Variants in JAM2 observed in about 807,000 individuals in gnomAD.
The protein encoded by JAM2 is junctional adhesion molecule 2, also known as junctional adhesion molecule B.
Under a neutral mutation model 42.0 loss-of-function variants are expected in JAM2, and 17 were observed. The observed-to-expected ratio is 0.40, with a 90% CI of 0.28 to 0.61. The LOEUF is 0.61. Ranked by LOEUF, JAM2 falls within the 20% of genes least tolerant of loss-of-function variation. The pLI, the probability that JAM2 is intolerant of heterozygous loss-of-function variation, is 0.37. For synonymous variants in JAM2, 118 were observed against 128.6 expected (o/e 0.92, Z 0.56); for missense variants, 319 against 358.3 (o/e 0.89, Z 0.89).
chr21:25,706,084 C>A lies in JAM2; in HGVS notation c.803C>A (p.Ser268Ter), dbSNP rs1300809120. ...VCYAQRKGYF[S>*]KETSFQKSNS... Reference sequence around the variant, plus strand: ...TATGCTCAGAGGAAAGGCTACTTTTCAAGTAAGTGAATTTCACCCTTCTTT... The same window carrying A: ...TATGCTCAGAGGAAAGGCTACTTTTAAAGTAAGTGAATTTCACCCTTCTTT... Residue 268 changes from serine (S) to a stop codon, truncating the protein, a stop_gained and splice_region_variant, in exon 7 of 10, where the codon TCA becomes TAA. Coordinates refer to ENST00000480456, the MANE Select transcript of JAM2 (RefSeq NM_021219.4). LOFTEE classifies it high-confidence loss of function. 2 of 1,590,322 alleles carry A rather than the reference C, an allele frequency of 1.3e-6. No homozygotes were observed. The highest frequency in any genetic ancestry group is 2.7e-5 in the African/African-American group (2 of 74,464).
chr21:25,667,002 T>C (rs1424452647), intron 1 of JAM2, among the ~76,000 whole-genome samples: 1 of 152,242 alleles, frequency 6.6e-6, no homozygotes, highest in Non-Finnish European at 1.5e-5. Context: ...TTCAAAATCT[T>C]TTGTTCTTTA....
intron 1 of JAM2, among the ~76,000 whole-genome samples, chr21:25,670,077 A>G (rs2033321268): frequency 6.6e-6 from 1 of 152,208 alleles, no homozygotes; most frequent in South Asian, 2.1e-4. Context: ...TATGACAAAC[A>G]TCAAACAGCC....
intron 1 of JAM2, among the ~76,000 whole-genome samples, chr21:25,672,699 A>G (rs2123350242): frequency 6.6e-6 from 1 of 152,320 alleles, no homozygotes; most frequent in South Asian, 2.1e-4. Flanking sequence ...GCGCCTATAC[A>G]CAACGCAGAC....
intron 2 of JAM2, among the ~76,000 whole-genome samples, 187 bp from the exon 3 acceptor site, chr21:25,689,679 C>T (rs2033833406): frequency 6.6e-6 from 1 of 152,160 alleles, no homozygotes; most frequent in Admixed American, 6.5e-5. Context: ...CAGTGTCATA[C>T]AGTTACTATG....
chr21:25,717,457 T>C lies in JAM2; in HGVS notation c.*2785T>C. ...ATTTAATTTATTTTTAGTTGGAGGT[T>C]TGACCTAAGTCTGGACCAATTGATT... On this transcript the variant is annotated 3_prime_UTR_variant, in exon 10 of 10. Transcript: ENST00000480456. 2.1e-6 allele frequency: 1 copy of C among 475,632 alleles called. No homozygotes were observed. Among genetic ancestry groups the C allele is most frequent in the Non-Finnish European group, 3.5e-6 (1 of 287,782 alleles). The allele number at this position is 475,632 out of a possible 1,614,324, so 29.5% of individuals were successfully genotyped here.
intron 5 of JAM2, 75 bp downstream of exon 5, chr21:25,698,954 G>A (rs1305427014): frequency 1.5e-5 from 19 of 1,290,194 alleles, no homozygotes; most frequent in East Asian, 2.4e-5. Context: ...TTAAGATGAC[G>A]TTTAATAGAG....
At chr21:25,702,385 G>A (rs991048359) in intron 6 of JAM2, 116 bp downstream of exon 6, 16 of 525,608 alleles carry the variant, frequency 3.0e-5, no homozygotes, top group Non-Finnish European at 5.4e-5. Flanking sequence ...AGAATAAACA[G>A]GAGAGAATGA....
At chr21:25,688,386 T>C (rs1270529475) in intron 2 of JAM2, among the ~76,000 whole-genome samples, 1 of 152,174 alleles carries the variant, frequency 6.6e-6, no homozygotes, top group South Asian at 2.1e-4. Context: ...ACATGAGGAA[T>C]AGGCTAAAAA....
intron 6 of JAM2, 80 bp downstream of exon 6, chr21:25,702,349 G>A (rs978571405): frequency 1.3e-5 from 10 of 773,742 alleles, no homozygotes; most frequent in Non-Finnish European, 1.9e-5. Flanking sequence ...AAGGAGCAAG[G>A]AGCAGGAAAT....
intron 2 of JAM2, among the ~76,000 whole-genome samples, chr21:25,687,019 A>C (rs1469249220): frequency 2.6e-5 from 4 of 152,344 alleles, no homozygotes; most frequent in African/African-American, 9.6e-5. Context: ...AATATGCCTT[A>C]GGTTGAGAAA....
intron 1 of JAM2, among the ~76,000 whole-genome samples, chr21:25,657,654 CA>C (rs2123327132): frequency 6.6e-6 from 1 of 152,258 alleles, no homozygotes; most frequent in Admixed American, 6.5e-5. Context: ...CCTTAGTAAT[CA>C]TATGGTTTTA....
At chr21:25,706,428 T>C (rs1329515051) in intron 7 of JAM2, among the ~76,000 whole-genome samples, 1 of 152,188 alleles carries the variant, frequency 6.6e-6, no homozygotes, top group Non-Finnish European at 1.5e-5. Flanking sequence ...GTGATCTGCC[T>C]GCCTTGGCCT....
chr21:25,662,935 A>G (rs2033126689), intron 1 of JAM2, among the ~76,000 whole-genome samples: 1 of 152,214 alleles, frequency 6.6e-6, no homozygotes. Context: ...GACATGTAAA[A>G]CATCCTAATT....
At chr21:25,712,057 A>C (rs2034394298) in intron 8 of JAM2, 1 of 298,564 alleles carries the variant, frequency 3.3e-6, no homozygotes, top group Admixed American at 4.9e-5. Flanking sequence ...AAAAGTTAGT[A>C]AGTCTCTGGT....
intron 8 of JAM2, among the ~76,000 whole-genome samples, chr21:25,710,468 A>T (rs1483007718): frequency 6.6e-6 from 1 of 152,240 alleles, no homozygotes; most frequent in Non-Finnish European, 1.5e-5. Context: ...GGGTAGGAGT[A>T]GAGATTCTAA....
intron 1 of JAM2, among the ~76,000 whole-genome samples, chr21:25,653,808 A>C (rs1215179159): frequency 1.3e-5 from 2 of 152,234 alleles, no homozygotes; most frequent in Non-Finnish European, 2.9e-5. Context: ...GTAGCTATCA[A>C]AGACTAATGA....
At chr21:25,657,682 G>T (rs78374530) in intron 1 of JAM2, among the ~76,000 whole-genome samples, 2,847 of 152,202 alleles carry the variant, frequency 0.019, 91 homozygotes, top group African/African-American at 0.065. Flanking sequence ...CTACCTTATT[G>T]TATGAGTCTT....
At chr21:25,706,703 C>T (rs182081875) in intron 7 of JAM2, among the ~76,000 whole-genome samples, 5 of 152,156 alleles carry the variant, frequency 3.3e-5, no homozygotes, top group South Asian at 2.1e-4. Context: ...TCAATGTGAA[C>T]GGATATTTAT....
At chr21:25,664,486 G>A (rs1347279371) in intron 1 of JAM2, among the ~76,000 whole-genome samples, 2 of 152,056 alleles carry the variant, frequency 1.3e-5, no homozygotes, top group Admixed American at 6.6e-5. Context: ...TGCCCACCTC[G>A]GCCTCCCAAA....
Sources: allele counts gnomAD v4.1 joint callset (sites outside exome capture counted in the v4.1 genomes callset), GRCh38; gene constraint gnomAD v4.1.1; transcripts MANE v1.5; gene names NCBI Gene and HGNC (gene_info 2026-07-23, HGNC 2026-07-21).